Variants in CENPN observed in about 807,000 individuals in gnomAD.
The protein encoded by CENPN is centromere protein N.
In CENPN, 36 loss-of-function variants were observed where a neutral mutation model predicts 48.6. The observed-to-expected ratio is 0.74, with a 90% CI of 0.57 to 0.98. CENPN has a LOEUF of 0.98. Among genes scored for constraint, CENPN ranks in the 50% least tolerant of loss-of-function variants. The pLI, the probability that CENPN is intolerant of heterozygous loss-of-function variation, is 0.00. For synonymous variants in CENPN, 166 were observed against 135.2 expected (o/e 1.23, Z -1.58); for missense variants, 439 against 399.2 (o/e 1.10, Z -0.85).
Position 81,017,752 on chromosome 16 carries a change from TGGCAG to T in CENPN, c.278-4_278del. 6.3e-7 allele frequency: 1 copy of T among 1,581,744 alleles called. No homozygotes were observed. The highest frequency in any genetic ancestry group is 8.6e-7 in the Non-Finnish European group (1 of 1,165,556). ...ATTTTTCTTTATTTTTTTTTCACTT[TGGCAG>T]GTGAAGATGTTGACCTTTTTGATAT... On this transcript the variant is annotated splice_acceptor_variant and splice_polypyrimidine_tract_variant and intron_variant, in intron 4 of 10. Transcript: ENST00000305850. LOFTEE classifies it high-confidence loss of function.
chr16:81,032,530 G>A (rs779398455), downstream of CENPN: 41 of 1,540,190 alleles, frequency 2.7e-5, no homozygotes, highest in South Asian at 2.0e-4. Context: ...CTATTAATCC[G>A]TCTTTTATCA....
At chr16:81,013,730 A>C (rs1476562514) in intron 2 of CENPN, among the ~76,000 whole-genome samples, 3 of 152,158 alleles carry the variant, frequency 2.0e-5, no homozygotes, top group Non-Finnish European at 4.4e-5. Flanking sequence ...CCAAAAAAAA[A>C]AAGAGACACG....
At chr16:81,013,215 A>C (rs1236141527) in intron 2 of CENPN, among the ~76,000 whole-genome samples, 1 of 152,276 alleles carries the variant, frequency 6.6e-6, no homozygotes, top group Non-Finnish European at 1.5e-5. Context: ...TGAAGTATTC[A>C]TAGATGCTAA....
chr16:81,014,536 G>A (rs1049521674), intron 3 of CENPN: 1 of 205,078 alleles, frequency 4.9e-6, no homozygotes, highest in African/African-American at 2.3e-5. Context: ...AAGCAATTTT[G>A]TATATAACGC....
chr16:81,031,605 G>A, downstream of CENPN: 1 of 152,344 alleles, frequency 6.6e-6, no homozygotes, highest in South Asian at 2.1e-4. Flanking sequence ...AGTTCCTGCA[G>A]GAGGAACCCC....
At position 81,029,090 on chromosome 16, in the gene CENPN, C is replaced by T. The variant is rs950300566; in HGVS notation, c.*439C>T. The T allele has an allele frequency of 2.0e-6, 2 of 986,104 alleles. No homozygotes were observed. Among genetic ancestry groups the T allele is most frequent in the Non-Finnish European group, 2.4e-6 (2 of 830,470 alleles). The allele number at this position is 986,104 out of a possible 1,614,324, so 61.1% of individuals were successfully genotyped here. On this transcript the variant is annotated 3_prime_UTR_variant, in exon 11 of 11. Coordinates refer to ENST00000305850, the MANE Select transcript of CENPN (RefSeq NM_001100624.3). The stretch of plus-strand genomic sequence containing the variant: ...CAGAGAGAAGCAACAAGGAACTATA[C>T]TCAACTCAAAACTTTTTAGGAGAAT...
At chr16:81,012,180 T>G in intron 2 of CENPN, 70 bp downstream of exon 2, 1 of 1,382,586 alleles carries the variant, frequency 7.2e-7, no homozygotes, top group Non-Finnish European at 1.0e-6. Flanking sequence ...CTTCTATTCC[T>G]TACTCCAAAA....
At chr16:81,014,452 C>T (rs1597309089) in intron 3 of CENPN, 1 of 394,420 alleles carries the variant, frequency 2.5e-6, no homozygotes, top group Non-Finnish European at 4.7e-6. Flanking sequence ...AGGCTGGTCT[C>T]CAGCTCCTGG....
intron 2 of CENPN, 25 bp downstream of exon 2, chr16:81,012,135 C>T (rs1221118849): frequency 1.9e-6 from 3 of 1,606,520 alleles, no homozygotes; most frequent in Admixed American, 3.4e-5. Context: ...AATGATGAGC[C>T]TTGAACAGAG....
At chr16:81,011,187 T>G (rs1287967264) in intron 1 of CENPN, among the ~76,000 whole-genome samples, 1 of 152,224 alleles carries the variant, frequency 6.6e-6, no homozygotes, top group South Asian at 2.1e-4. Context: ...TGCTGTTCCT[T>G]CTGCCTGGAA....
chr16:81,028,208 T>C lies in CENPN; in HGVS notation c.848T>C (p.Ile283Thr). Residue 283 changes from isoleucine (I) to threonine (T), a missense_variant, in exon 10 of 11, where the codon ATC (isoleucine) becomes ACC (threonine). By Grantham distance (89) the Ile-to-Thr change is moderately conservative. Coordinates refer to ENST00000305850, the MANE Select transcript of CENPN (RefSeq NM_001100624.3). ...TTCAAAAGTGGTTTAAATGGGAGCATCTTGGCTGAGAGGGAAGAACCCCTC... is the reference window on the plus strand; with the variant it reads ...TTCAAAAGTGGTTTAAATGGGAGCACCTTGGCTGAGAGGGAAGAACCCCTC... ...TKFKSGLNGS[I>T]LAEREEPLRC... is the part of the protein sequence containing the mutation. The C allele has an allele frequency of 1.2e-6, 2 of 1,613,316 alleles. No individual in the cohort carries two copies. The highest frequency in any genetic ancestry group is 2.2e-5 in the East Asian group (1 of 44,888).
In CENPN at chr16:81,014,365, G is replaced by C. The variant is rs1260834068; in HGVS notation, c.217+184G>C. ...TTCTCCAACCTCAGCCTCCCGAGTAGCTGGGACTATAGCAGTGCACCACCA... is the reference window on the plus strand; with the variant it reads ...TTCTCCAACCTCAGCCTCCCGAGTACCTGGGACTATAGCAGTGCACCACCA... On this transcript the variant is annotated intron_variant, in intron 3 of 10. Coordinates refer to ENST00000305850, the MANE Select transcript of CENPN (RefSeq NM_001100624.3). The C allele has an allele frequency of 5.0e-6, 3 of 598,694 alleles. No homozygotes were observed. In the Admixed American group the frequency reaches 7.9e-5, roughly 16 times the overall value. 37.1% of individuals were successfully genotyped at this position (598,694 alleles called of 1,614,324 possible).
chr16:81,025,691 C>CTTTTTTTT (rs1175806121), intron 8 of CENPN, among the ~76,000 whole-genome samples: 2 of 9,136 alleles, frequency 2.2e-4, no homozygotes, highest in South Asian at 0.012. Context: ...CCCTGTCTCT[C>CTTTTTTTT]TTTTTTTTTT....
rs1422072266 is a variant in CENPN at position 81,022,583 on chromosome 16, A to C, written c.532-14A>C. On this transcript the variant is annotated splice_polypyrimidine_tract_variant and intron_variant, in intron 6 of 10. Coordinates refer to ENST00000305850, the MANE Select transcript of CENPN (RefSeq NM_001100624.3). Reference sequence around the variant, plus strand: ...AGTAATCCTAGTAATAGTCTTGCAAATTTTCATTTCAAGGCGCTGACAATT... The same window carrying C: ...AGTAATCCTAGTAATAGTCTTGCAACTTTTCATTTCAAGGCGCTGACAATT... The C allele has an allele frequency of 1.2e-6, 2 of 1,612,146 alleles. No homozygotes were observed.
chr16:81,023,127 A>G (rs1247625437), intron 7 of CENPN: 1 of 356,902 alleles, frequency 2.8e-6, no homozygotes, highest in African/African-American at 2.1e-5. Context: ...TTAAATCCCA[A>G]AGTTCATTTG....
In CENPN at chr16:81,007,662, T is replaced by C. The variant is rs1969498958; in HGVS notation, c.-11+385T>C. Reference sequence around the variant, plus strand: ...CGTCGTTTTTTGTCCCTGTACCCTCTTGCGTTGCTCCTCGCATTGCCTGTT... The same window carrying C: ...CGTCGTTTTTTGTCCCTGTACCCTCCTGCGTTGCTCCTCGCATTGCCTGTT... On this transcript the variant is annotated intron_variant, in intron 1 of 10. Transcript: ENST00000305850. Among the ~76,000 whole-genome samples the C allele has an allele frequency of 2.6e-5, 4 of 152,176 alleles. No homozygotes were observed. In the East Asian group the frequency reaches 7.7e-4, roughly 29 times the overall value.
chr16:81,029,195 T>C lies in CENPN; in HGVS notation c.*544T>C. Reference sequence around the variant, plus strand: ...AGAGGTTGCATATTTGGTGAGTCAGTTATATAAAATAGTGTTCTTATTGTA... The same window carrying C: ...AGAGGTTGCATATTTGGTGAGTCAGCTATATAAAATAGTGTTCTTATTGTA... On this transcript the variant is annotated 3_prime_UTR_variant, in exon 11 of 11. Transcript: ENST00000305850. 2 of 958,600 alleles carry C rather than the reference T, an allele frequency of 2.1e-6. No individual in the cohort carries two copies. Among genetic ancestry groups the C allele is most frequent in the South Asian group, 9.7e-5 (2 of 20,724 alleles). 59.4% of individuals were successfully genotyped at this position (958,600 alleles called of 1,614,324 possible).
intron 9 of CENPN, 105 bp from the exon 10 acceptor site, chr16:81,028,066 C>G: frequency 9.9e-7 from 1 of 1,008,230 alleles, no homozygotes; most frequent in Non-Finnish European, 1.5e-6. Context: ...TCCTGTATTT[C>G]TTAATGGCAA....
In CENPN at chr16:81,031,209, C is replaced by G. The variant is rs756445562; in HGVS notation, c.*2558C>G. The G allele has an allele frequency of 6.6e-6, 1 of 151,876 alleles. No homozygotes were observed. The highest frequency in any genetic ancestry group is 2.4e-5 in the African/African-American group (1 of 41,348). The allele number at this position is 151,876 out of a possible 1,614,324, so 9.4% of individuals were successfully genotyped here. On this transcript the variant is annotated 3_prime_UTR_variant, in exon 11 of 11. Transcript: ENST00000305850. ...AACAATACAGGAGCTTACCTTGAAC[C>G]TTTGAATTGGGCCAAATTGCGATGA...
Sources: gnomAD v4.1 joint callset for allele counts (sites outside exome capture counted in the v4.1 genomes callset) on GRCh38, gnomAD v4.1.1 for gene constraint, MANE v1.5 for transcripts, NCBI Gene and HGNC (gene_info 2026-07-23, HGNC 2026-07-21) for gene names.